HECW2: variants seen among roughly 807,000 people sequenced by gnomAD.
HECW2 encodes the protein HECT, C2 and WW domain containing E3 ubiquitin protein ligase 2.
A neutral mutation model predicts 175.2 loss-of-function variants in HECW2; 61 were observed. The observed-to-expected ratio is 0.35, with a 90% CI of 0.28 to 0.43. The LOEUF (loss-of-function observed/expected upper bound fraction) is 0.43, where lower values mean the gene tolerates loss of function less well. Among genes scored for constraint, HECW2 ranks in the 20% least tolerant of loss-of-function variants. The pLI, the probability that HECW2 is intolerant of heterozygous loss-of-function variation, is 1.00. For missense variants in HECW2, 1,524 were observed against 2,000.5 expected (o/e 0.76, Z 4.54); for synonymous variants, 671 against 731.0 (o/e 0.92, Z 1.32).
rs150883329 is a variant in HECW2 at position 196,563,714 on chromosome 2, T to C, written c.-36+29794A>G. ...ATAATTTGTGCATCTAAAAATATAATACTGATCATCAAGTATTAAATATAA... is the reference window on the plus strand; with the variant it reads ...ATAATTTGTGCATCTAAAAATATAACACTGATCATCAAGTATTAAATATAA... On this transcript the variant is annotated intron_variant, in intron 1 of 28. Transcript: ENST00000644978. Among the ~76,000 whole-genome samples, 1,285 of 152,274 alleles carry C rather than the reference T, an allele frequency of 8.4e-3. 7 individuals carry two copies. Among genetic ancestry groups the C allele is most frequent in the Non-Finnish European group, 0.014 (935 of 68,018 alleles).
intron 1 of HECW2, among the ~76,000 whole-genome samples, chr2:196,514,887 CA>C (rs1688095698): frequency 6.6e-6 from 1 of 152,238 alleles, no homozygotes; most frequent in South Asian, 2.1e-4. Context: ...AACTTGGGAC[CA>C]GCCAAATGGT....
At chr2:196,453,014 T>C (rs539445618) in intron 1 of HECW2, among the ~76,000 whole-genome samples, 4 of 152,290 alleles carry the variant, frequency 2.6e-5, no homozygotes, top group Admixed American at 2.0e-4. Context: ...TAAAGCTTAT[T>C]TTCTGTAAAA....
At chr2:196,248,418 C>A (rs559398419) in intron 19 of HECW2, among the ~76,000 whole-genome samples, 1 of 151,938 alleles carries the variant, frequency 6.6e-6, no homozygotes, top group Non-Finnish European at 1.5e-5. Context: ...ACTTCCCCAT[C>A]CCTACCCACC....
In HECW2 at chr2:196,217,048, A is replaced by G; in HGVS notation, c.4454T>C (p.Val1485Ala). The change falls in exon 27 of 29, where the codon GTG becomes GCG. Residue 1485 changes from valine to alanine, a missense_variant. Transcript: ENST00000644978. ...HIVIRWFWAAVERFNNEQRLR... is the reference protein window; with the variant it reads ...HIVIRWFWAAAERFNNEQRLR... ...TCGTTGTTCATTGTTGAATCTTTCC[A>G]CTGCAGCCCAGAACCACCGAATTAC... 6.4e-7 allele frequency: 1 copy of G among 1,555,136 alleles called. No homozygotes were observed.
intron 1 of HECW2, among the ~76,000 whole-genome samples, chr2:196,529,700 CAGTGAACA>C: frequency 6.6e-6 from 1 of 152,318 alleles, no homozygotes. Flanking sequence ...ACAACCATGC[CAGTGAACA>C]AGTCTACACT....
chr2:196,411,407 G>A (rs1444972753), intron 2 of HECW2, among the ~76,000 whole-genome samples: 2 of 152,068 alleles, frequency 1.3e-5, no homozygotes, highest in Non-Finnish European at 2.9e-5. Flanking sequence ...CTGCTCAGAG[G>A]AATTAAACAA....
intron 1 of HECW2, among the ~76,000 whole-genome samples, chr2:196,544,817 A>G (rs1689353385): frequency 6.6e-6 from 1 of 152,016 alleles, no homozygotes; most frequent in Non-Finnish European, 1.5e-5. Flanking sequence ...TTCAACAGTA[A>G]AGAACAGGGG....
intron 1 of HECW2, among the ~76,000 whole-genome samples, chr2:196,498,476 G>C (rs565135029): frequency 6.6e-6 from 1 of 152,260 alleles, no homozygotes; most frequent in South Asian, 2.1e-4. Flanking sequence ...ATGACAGTGA[G>C]AGAGACCTAA....
At chr2:196,210,276 GTGTA>G (rs146268354) in intron 28 of HECW2, among the ~76,000 whole-genome samples, 38,247 of 150,828 alleles carry the variant, frequency 0.25, 5,076 homozygotes, top group East Asian at 0.54. Flanking sequence ...GTGTGTGTGT[GTGTA>G]TGTGTGTGTC....
chr2:196,294,767 C>T (rs2105651356), intron 13 of HECW2, among the ~76,000 whole-genome samples: 1 of 152,276 alleles, frequency 6.6e-6, no homozygotes, highest in Non-Finnish European at 1.5e-5. Context: ...CTAGAGCTTT[C>T]TTCCCTTTGA....
intron 17 of HECW2, chr2:196,263,044 G>A (rs1159097094): frequency 6.7e-6 from 1 of 148,768 alleles, no homozygotes; most frequent in Non-Finnish European, 1.5e-5. Flanking sequence ...TTTTTTTCCT[G>A]TGGCAGAGAA....
chr2:196,505,411 G>C (rs1402459181), intron 1 of HECW2, among the ~76,000 whole-genome samples: 1 of 151,990 alleles, frequency 6.6e-6, no homozygotes, highest in Non-Finnish European at 1.5e-5. Context: ...GTGGTGGTGT[G>C]TACCTGTAAT....
chr2:196,369,252 T>C (rs1044616112), intron 2 of HECW2, among the ~76,000 whole-genome samples: 1 of 152,134 alleles, frequency 6.6e-6, no homozygotes, highest in Non-Finnish European at 1.5e-5. Flanking sequence ...AGGTACCACC[T>C]TGGTAGTCTT....
chr2:196,485,100 G>C (rs1279924840), intron 1 of HECW2, among the ~76,000 whole-genome samples: 1 of 152,142 alleles, frequency 6.6e-6, no homozygotes, highest in African/African-American at 2.4e-5. Context: ...GAAAAGTCCA[G>C]AATAACTCCC....
chr2:196,505,368 C>T (rs536216793), intron 1 of HECW2, among the ~76,000 whole-genome samples: 20 of 152,072 alleles, frequency 1.3e-4, no homozygotes, highest in African/African-American at 3.9e-4. Context: ...GTGAAAACCC[C>T]GTCTCTACTA....
intron 13 of HECW2, among the ~76,000 whole-genome samples, chr2:196,299,872 T>C (rs1384604298): frequency 1.3e-5 from 2 of 151,266 alleles, no homozygotes; most frequent in Non-Finnish European, 1.5e-5. Flanking sequence ...GAGCTTGCAG[T>C]GAGCCGAGAT....
chr2:196,380,911 T>C (rs1458866519), intron 2 of HECW2, among the ~76,000 whole-genome samples: 1 of 152,228 alleles, frequency 6.6e-6, no homozygotes, highest in Admixed American at 6.5e-5. Flanking sequence ...TTGAAAGCTT[T>C]TGGCTGATTT....
intron 13 of HECW2, among the ~76,000 whole-genome samples, chr2:196,294,623 A>G (rs1272446472): frequency 6.6e-6 from 1 of 152,224 alleles, no homozygotes; most frequent in Non-Finnish European, 1.5e-5. Context: ...TCTTTGCTGT[A>G]CCCAGTACTG....
chr2:196,211,778 C>T (rs919108846), intron 28 of HECW2, among the ~76,000 whole-genome samples: 2 of 152,154 alleles, frequency 1.3e-5, no homozygotes, highest in Non-Finnish European at 2.9e-5. Flanking sequence ...CTTTACAGCC[C>T]CTCCAACCCT....
Sources: allele counts gnomAD v4.1 joint callset (sites outside exome capture counted in the v4.1 genomes callset), GRCh38; gene constraint gnomAD v4.1.1; transcripts MANE v1.5; gene names NCBI Gene and HGNC (gene_info 2026-07-23, HGNC 2026-07-21).